The following BTNL2 variants were observed in gnomAD, a reference collection of about 807,000 sequenced individuals.
BTNL2 encodes butyrophilin like 2.
Under a neutral mutation model 46.8 loss-of-function variants are expected in BTNL2, and 46 were observed. That is an observed-to-expected ratio of 0.98 (90% confidence interval 0.78 to 1.26). The LOEUF (loss-of-function observed/expected upper bound fraction) is 1.26, where lower values mean the gene tolerates loss of function less well. Among genes scored for constraint, BTNL2 ranks in the 50% most tolerant of loss-of-function variants. BTNL2 has a pLI of 0.00. For missense variants in BTNL2, 461 were observed against 592.6 expected, an observed-to-expected ratio of 0.78 and a Z score of 2.31; for synonymous variants, 226 against 229.1, an observed-to-expected ratio of 0.99 and a Z score of 0.12.
In BTNL2 at chr6:32,405,025, A is replaced by G. The variant is rs1777033614; in HGVS notation, c.341T>C (p.Ile114Thr). The change falls in exon 2 of 8, where the codon ATC becomes ACC. Residue 114 changes from isoleucine to threonine, a missense_variant. Physicochemically the swap from Ile to Thr is moderately conservative, Grantham distance 89. Transcript: ENST00000454136. The stretch of plus-strand genomic sequence containing the variant: ...GTATTGTCCATTGTCGGAGGGCTGG[A>G]TGTTGTGTATCTTCAGTGCCACATT... ...KGNVALKIHN[I>T]QPSDNGQYWC... The G allele has an allele frequency of 1.9e-6, 3 of 1,612,854 alleles. No individual in the cohort carries two copies. The highest frequency in any genetic ancestry group is 2.5e-6 in the Non-Finnish European group (3 of 1,180,000).
At chr6:32,407,006 G>T in intron 1 of BTNL2, 39 bp downstream of exon 1, 1 of 1,582,964 alleles carries the variant, frequency 6.3e-7, no homozygotes, top group Non-Finnish European at 8.7e-7. Flanking sequence ...AGCTCACTGG[G>T]ACATTAGACT....
chr6:32,397,444 T>C (rs1776520845), intron 4 of BTNL2, among the ~76,000 whole-genome samples: 1 of 152,240 alleles, frequency 6.6e-6, no homozygotes, highest in African/African-American at 2.4e-5. Context: ...AAATTGCTGC[T>C]TTGAATTCTC....
At chr6:32,395,879 A>G (rs1016382479) in intron 5 of BTNL2, among the ~76,000 whole-genome samples, 160 bp downstream of exon 5, 1 of 152,244 alleles carries the variant, frequency 6.6e-6, no homozygotes, top group African/African-American at 2.4e-5. Flanking sequence ...TGTGGATTTT[A>G]AGTAACTATG....
Position 32,402,933 on chromosome 6 carries a change from A to AC in BTNL2, c.709+1dup. 6.2e-7 allele frequency: 1 copy of AC among 1,612,316 alleles called. No homozygotes were observed. The highest frequency in any genetic ancestry group is 8.5e-7 in the Non-Finnish European group (1 of 1,179,502). On this transcript the variant is annotated splice_donor_variant, in intron 3 of 7. Coordinates refer to ENST00000454136, the MANE Select transcript of BTNL2 (RefSeq NM_001304561.2). LOFTEE classifies it high-confidence loss of function. ...TGTGGGTCCTAGAGGCAGAGCACTG[A>AC]CCTGGGAGGCTGATGACCGACCCCT...
chr6:32,404,699 T>C (rs573958376), intron 2 of BTNL2, among the ~76,000 whole-genome samples: 2 of 152,344 alleles, frequency 1.3e-5, no homozygotes, highest in Admixed American at 1.3e-4. Flanking sequence ...AGACTGCATG[T>C]CATGGATTCC....
Position 32,407,025 on chromosome 6 carries a change from A to G in BTNL2, c.79+20T>C. 6.2e-7 allele frequency: 1 copy of G among 1,609,120 alleles called. No individual in the cohort carries two copies. Among genetic ancestry groups the G allele is most frequent in the Non-Finnish European group, 8.5e-7 (1 of 1,176,722 alleles). ...CACTGGGACATTAGACTATACAGTA[A>G]AGGGAGAAGGGAATCCTACCTGACT... On this transcript the variant is annotated intron_variant, in intron 1 of 7. Transcript: ENST00000454136.
Position 32,396,496 on chromosome 6 carries a change from G to T in BTNL2, c.731-110C>A. 2 of 1,091,158 alleles carry T rather than the reference G, an allele frequency of 1.8e-6. No individual in the cohort carries two copies. Among genetic ancestry groups the T allele is most frequent in the East Asian group, 2.6e-5 (1 of 38,856 alleles). 67.6% of individuals were successfully genotyped at this position (1,091,158 alleles called of 1,614,324 possible). A position where few individuals can be genotyped will look rare whatever the true frequency, so the allele number is the denominator to read the frequency against. ...TAGAAACCATGAGCATCCCAGGGTT[G>T]CTGTGAGGCTCAGGGTCATCCTTAG... is the stretch of plus-strand genomic sequence containing the variant. On this transcript the variant is annotated intron_variant, in intron 4 of 7. Transcript: ENST00000454136. The surrounding 1 kb of genome is among the most constrained non-coding windows in gnomAD (Gnocchi z 4.4).
At chr6:32,402,488 G>A (rs372490539) in intron 3 of BTNL2, among the ~76,000 whole-genome samples, 1 of 151,834 alleles carries the variant, frequency 6.6e-6, no homozygotes. Context: ...ATTCCACACT[G>A]TACTGTTGTA....
intron 2 of BTNL2, among the ~76,000 whole-genome samples, chr6:32,403,943 G>A (rs1467058328): frequency 6.6e-6 from 1 of 152,154 alleles, no homozygotes; most frequent in African/African-American, 2.4e-5. Flanking sequence ...TGGTAAAAGA[G>A]AGATCCACTC....
chr6:32,400,236 G>T (rs1776668130), intron 4 of BTNL2, among the ~76,000 whole-genome samples: 1 of 152,154 alleles, frequency 6.6e-6, no homozygotes, highest in Non-Finnish European at 1.5e-5. Context: ...GCCTAATGGG[G>T]TTGAAGGTGC....
chr6:32,400,137 T>C (rs1482246357), intron 4 of BTNL2, among the ~76,000 whole-genome samples: 1 of 152,178 alleles, frequency 6.6e-6, no homozygotes, highest in Non-Finnish European at 1.5e-5. Context: ...CTTCCTGATC[T>C]CAGAAGGGTA....
intron 5 of BTNL2, among the ~76,000 whole-genome samples, 167 bp from the exon 6 acceptor site, chr6:32,395,192 T>C (rs1211315218): frequency 6.6e-6 from 1 of 150,566 alleles, no homozygotes; most frequent in African/African-American, 2.5e-5. Flanking sequence ...ATTTTCTTAT[T>C]TTGTTTGTTT....
chr6:32,403,122 C>A lies in BTNL2; in HGVS notation c.522G>T (p.Gln174His). The A allele has an allele frequency of 6.2e-7, 1 of 1,612,888 alleles. No individual in the cohort carries two copies. Among genetic ancestry groups the A allele is most frequent in the Non-Finnish European group, 8.5e-7 (1 of 1,179,922 alleles). The change falls in exon 3 of 8, where the codon CAG (glutamine) becomes CAT (histidine). Residue 174 changes from glutamine (Q) to histidine (H), a missense_variant. Physicochemically the swap from Gln to His is conservative, Grantham distance 24 (BLOSUM62 0). Coordinates refer to ENST00000454136, the MANE Select transcript of BTNL2 (RefSeq NM_001304561.2). ...CTCCCCGGATGTCTTCCCAATACAC[C>A]TGGGGCTCTGGGAACCAGCCCCTTG... ...CTARGWFPEP[Q>H]VYWEDIRGEK... is the part of the protein sequence containing the mutation.
chr6:32,395,021 C>T lies in BTNL2; in HGVS notation c.1083G>A (p.Leu361=). ...EASLDLKVVS[L]GSSPLITVEG... is the part of the protein sequence containing the mutation. ...CCACAGTGATCAGTGGGGAAGAACC[C>T]AGACCTGGGGCAGAGAAAGCAACCA... The change falls in exon 6 of 8, where the codon CTG becomes CTA. Residue 361 remains leucine (L), a synonymous_variant. Transcript: ENST00000454136. 1 of 1,570,532 alleles carries T rather than the reference C, an allele frequency of 6.4e-7. No individual in the cohort carries two copies. The highest frequency in any genetic ancestry group is 8.7e-7 in the Non-Finnish European group (1 of 1,155,424).
chr6:32,403,685 C>T (rs1776934196), intron 2 of BTNL2: 1 of 158,380 alleles, frequency 6.3e-6, no homozygotes, highest in South Asian at 1.9e-4. Context: ...GTTCTTCCTG[C>T]ATCTTTTGCT....
At chr6:32,406,946 G>T in intron 1 of BTNL2, 99 bp downstream of exon 1, 1 of 1,093,856 alleles carries the variant, frequency 9.1e-7, no homozygotes. Context: ...AGGTGGCTTG[G>T]CCCCAGACTT....
chr6:32,405,339 T>C (rs1777067295), intron 1 of BTNL2, 53 bp from the exon 2 acceptor site: 4 of 1,536,776 alleles, frequency 2.6e-6, no homozygotes, highest in Middle Eastern at 1.7e-4. Flanking sequence ...GAAAATCATA[T>C]GCATGCTTTG....
chr6:32,397,286 C>T (rs118079180), intron 4 of BTNL2, among the ~76,000 whole-genome samples: 1,854 of 152,328 alleles, frequency 0.012, 67 homozygotes, highest in East Asian at 0.11. Context: ...GTAGCAGCTG[C>T]TGCACTTCTG....
rs144609561 is a variant in BTNL2 at position 32,395,101 on chromosome 6, G to A, written c.1079-76C>T. 9.9e-4 allele frequency: 1,445 copies of A among 1,453,050 alleles called. 11 individuals carry two copies. In the African/African-American group the frequency reaches 0.018, roughly 18 times the overall value. The allele number at this position is 1,453,050 out of a possible 1,614,324, so 90.0% of individuals were successfully genotyped here. A position where few individuals can be genotyped will look rare whatever the true frequency, so the allele number is the denominator to read the frequency against. On this transcript the variant is annotated intron_variant, in intron 5 of 7. Coordinates refer to ENST00000454136, the MANE Select transcript of BTNL2 (RefSeq NM_001304561.2). ...GGGCAGCAATTTCACTGGGAGGAAA[G>A]AAGGGGATGTGGAGGGCTTGGGGAA...
Sources: gnomAD v4.1 joint callset for allele counts (sites outside exome capture counted in the v4.1 genomes callset) on GRCh38, gnomAD v4.1.1 for gene constraint, Gnocchi (gnomAD v3.1) non-coding constraint, MANE v1.5 for transcripts, NCBI Gene and HGNC (gene_info 2026-07-23, HGNC 2026-07-21) for gene names.